The following DLG2 variants were observed in gnomAD, a reference collection of about 807,000 sequenced individuals.
DLG2 encodes discs large MAGUK scaffold protein 2.
DLG2 carries 45 observed loss-of-function variants against 132.5 expected under a neutral mutation model. The observed-to-expected ratio is 0.34, with a 90% CI of 0.27 to 0.44. The LOEUF is 0.44. Among genes scored for constraint, DLG2 ranks in the 20% least tolerant of loss-of-function variants. The pLI is 1.00. For missense variants in DLG2, 1,045 were observed against 1,196.9 expected (o/e 0.87, Z 1.87); for synonymous variants, 424 against 419.6 (o/e 1.01, Z -0.13).
chr11:83,651,570 T>A lies in DLG2; in HGVS notation c.1826-18245A>T, dbSNP rs1236004427. The stretch of plus-strand genomic sequence containing the variant: ...AGGACAACTTAGTGTTTAGCATAAC[T>A]CTTTCACAGATTTGCTGTATTATCA... On this transcript the variant is annotated intron_variant, in intron 18 of 27. Coordinates refer to ENST00000376104, the MANE Select transcript of DLG2 (RefSeq NM_001142699.3). 6 of 202,748 alleles carry A rather than the reference T, an allele frequency of 3.0e-5. No individual in the cohort carries two copies. In the East Asian group the frequency reaches 6.5e-4, roughly 22 times the overall value. 12.6% of individuals were successfully genotyped at this position (202,748 alleles called of 1,614,324 possible).
At chr11:84,589,156 A>G (rs987010405) in intron 6 of DLG2, among the ~76,000 whole-genome samples, 3 of 152,166 alleles carry the variant, frequency 2.0e-5, no homozygotes, top group Non-Finnish European at 4.4e-5. Context: ...GAAAGAGAGA[A>G]TGTCTTTGAG....
At chr11:83,732,341 A>G (rs1165138749) in intron 18 of DLG2, among the ~76,000 whole-genome samples, 1 of 152,208 alleles carries the variant, frequency 6.6e-6, no homozygotes, top group Non-Finnish European at 1.5e-5. Context: ...ACCAGATGCC[A>G]GGTGACCTTC....
intron 26 of DLG2, among the ~76,000 whole-genome samples, chr11:83,462,401 G>C (rs962179787): frequency 2.6e-5 from 4 of 152,132 alleles, no homozygotes; most frequent in African/African-American, 9.7e-5. Flanking sequence ...GTAGGCCCTA[G>C]GATATTTAAG....
intron 8 of DLG2, among the ~76,000 whole-genome samples, chr11:84,247,867 A>G (rs2097322967): frequency 6.6e-6 from 1 of 152,230 alleles, no homozygotes; most frequent in Non-Finnish European, 1.5e-5. Flanking sequence ...AGCAAAATTA[A>G]TACATTTACT....
chr11:83,855,878 T>C (rs1475378137), intron 16 of DLG2, among the ~76,000 whole-genome samples: 1 of 152,114 alleles, frequency 6.6e-6, no homozygotes, highest in Admixed American at 6.6e-5. Context: ...GTTTGCTACA[T>C]AGGTAAACTT....
chr11:84,989,186 C>CT (rs1203135696), intron 6 of DLG2, among the ~76,000 whole-genome samples: 1 of 151,938 alleles, frequency 6.6e-6, no homozygotes, highest in East Asian at 1.9e-4. Context: ...AAAAGAAGTT[C>CT]TTTTTTTGAG....
Position 84,888,124 on chromosome 11 carries a change from A to G in DLG2, c.357+223537T>C, listed in dbSNP as rs1306589823. Reference sequence around the variant, plus strand: ...AAACAAACAGAAATTTCTCTTTGTGATAGTTTATTTTACATGTCAACTTGG... The same window carrying G: ...AAACAAACAGAAATTTCTCTTTGTGGTAGTTTATTTTACATGTCAACTTGG... On this transcript the variant is annotated intron_variant, in intron 6 of 27. Coordinates refer to ENST00000376104, the MANE Select transcript of DLG2 (RefSeq NM_001142699.3). Among the ~76,000 whole-genome samples the G allele has an allele frequency of 2.0e-5, 3 of 152,140 alleles. 1 individual carries two copies. Among genetic ancestry groups the G allele is most frequent in the South Asian group, 4.1e-4 (2 of 4,838 alleles).
At chr11:83,669,346 T>C (rs76157129) in intron 18 of DLG2, among the ~76,000 whole-genome samples, 152 of 152,296 alleles carry the variant, frequency 1.0e-3, no homozygotes, top group African/African-American at 3.5e-3. Flanking sequence ...TGCTGAAAAG[T>C]CTATAAAGAA....
chr11:85,164,034 G>C (rs1253346916), intron 4 of DLG2, among the ~76,000 whole-genome samples: 1 of 152,106 alleles, frequency 6.6e-6, no homozygotes, highest in African/African-American at 2.4e-5. Context: ...ATAAGGGCTT[G>C]GGGTTTCTGG....
chr11:84,414,851 C>T (rs1401953590), intron 7 of DLG2, among the ~76,000 whole-genome samples: 1 of 152,038 alleles, frequency 6.6e-6, no homozygotes, highest in Non-Finnish European at 1.5e-5. Flanking sequence ...AAATTACATA[C>T]CTGATTGTTC....
At chr11:84,087,436 C>T (rs952121258) in intron 10 of DLG2, among the ~76,000 whole-genome samples, 12 of 152,118 alleles carry the variant, frequency 7.9e-5, no homozygotes, top group East Asian at 1.9e-4. Context: ...TGCTCATTGG[C>T]CATTTGCATA....
intron 7 of DLG2, among the ~76,000 whole-genome samples, chr11:84,368,062 A>G (rs2154427125): frequency 6.6e-6 from 1 of 152,224 alleles, no homozygotes; most frequent in Non-Finnish European, 1.5e-5. Context: ...TATATCTAAG[A>G]TCTCCAATGC....
intron 5 of DLG2, among the ~76,000 whole-genome samples, chr11:85,143,628 C>A (rs917924167): frequency 6.6e-6 from 1 of 151,666 alleles, no homozygotes; most frequent in Non-Finnish European, 1.5e-5. Context: ...TGTTGTGTTT[C>A]CATTTTCATT....
intron 7 of DLG2, among the ~76,000 whole-genome samples, chr11:84,413,141 T>C: frequency 6.6e-6 from 1 of 152,126 alleles, no homozygotes; most frequent in East Asian, 1.9e-4. Flanking sequence ...ATTCACTGGA[T>C]CTATTTCTTG....
intron 12 of DLG2, among the ~76,000 whole-genome samples, chr11:83,978,778 A>G (rs533289831): frequency 1.3e-5 from 2 of 152,240 alleles, no homozygotes; most frequent in Admixed American, 6.6e-5. Flanking sequence ...GCATGTACTT[A>G]TTAAAAAAGT....
chr11:85,383,334 C>A (rs1164284313), intron 3 of DLG2, among the ~76,000 whole-genome samples: 1 of 152,008 alleles, frequency 6.6e-6, no homozygotes, highest in Non-Finnish European at 1.5e-5. Context: ...GGAGTAACTA[C>A]TAAGGGGTCT....
At chr11:84,581,284 G>T (rs1049016464) in intron 6 of DLG2, among the ~76,000 whole-genome samples, 3 of 152,108 alleles carry the variant, frequency 2.0e-5, no homozygotes, top group Non-Finnish European at 4.4e-5. Context: ...AGTGGAGTCG[G>T]TTTTTCTGTC....
intron 6 of DLG2, among the ~76,000 whole-genome samples, chr11:84,739,726 A>T (rs1267304685): frequency 6.6e-6 from 1 of 152,208 alleles, no homozygotes; most frequent in Non-Finnish European, 1.5e-5. Flanking sequence ...CTGCCAGAAG[A>T]TCAAGGGAAG....
At chr11:85,521,216 T>G (rs994515066) in intron 3 of DLG2, among the ~76,000 whole-genome samples, 2 of 152,184 alleles carry the variant, frequency 1.3e-5, no homozygotes, top group African/African-American at 4.8e-5. Context: ...ATTAAACCAT[T>G]GGAATGATTC....
Sources: gnomAD v4.1 joint callset for allele counts (sites outside exome capture counted in the v4.1 genomes callset) on GRCh38, gnomAD v4.1.1 for gene constraint, MANE v1.5 for transcripts, NCBI Gene and HGNC (gene_info 2026-07-23, HGNC 2026-07-21) for gene names.